Variants in PIP5K1B observed in about 807,000 individuals in gnomAD.
PIP5K1B encodes phosphatidylinositol-4-phosphate 5-kinase type 1 beta.
PIP5K1B carries 42 observed loss-of-function variants against 67.0 expected under a neutral mutation model. The observed-to-expected ratio is 0.63, with a 90% CI of 0.49 to 0.81. PIP5K1B has a LOEUF of 0.81. PIP5K1B is among the 30% of genes least tolerant of loss of function. The pLI is 0.00. For synonymous variants in PIP5K1B, 214 were observed against 231.4 expected (o/e 0.92, Z 0.68); for missense variants, 459 against 646.3 (o/e 0.71, Z 3.14).
chr9:68,756,322 A>G (rs1829922721), intron 2 of PIP5K1B, among the ~76,000 whole-genome samples: 2 of 152,236 alleles, frequency 1.3e-5, no homozygotes, highest in South Asian at 2.1e-4. Context: ...TAAATTGCTT[A>G]TATTCTTATT....
chr9:68,992,858 A>G (rs1412725068), intron 15 of PIP5K1B, among the ~76,000 whole-genome samples: 2 of 115,334 alleles, frequency 1.7e-5, no homozygotes, highest in Non-Finnish European at 4.1e-5. Flanking sequence ...AAAAAAAAAA[A>G]AAAAAAAAAA....
intron 5 of PIP5K1B, among the ~76,000 whole-genome samples, chr9:68,874,272 T>C (rs1823767568): frequency 6.6e-6 from 1 of 152,222 alleles, no homozygotes; most frequent in Non-Finnish European, 1.5e-5. Flanking sequence ...GGCCCAAAGA[T>C]AGCTAGATTT....
intron 1 of PIP5K1B, among the ~76,000 whole-genome samples, chr9:68,717,324 A>G (rs10116755): frequency 0.12 from 18,345 of 152,236 alleles, 1,215 homozygotes; most frequent in African/African-American, 0.15. Context: ...ACTGGTTAAT[A>G]TAAGTTGGCA....
chr9:68,987,023 C>T (rs964777433), intron 14 of PIP5K1B, among the ~76,000 whole-genome samples: 6 of 151,874 alleles, frequency 4.0e-5, no homozygotes, highest in Middle Eastern at 3.4e-3. Context: ...GAGGCTGAGG[C>T]GGGTGGATCA....
chr9:68,764,074 CTTTTTTTTTTTTTTT>C (rs72304177), intron 2 of PIP5K1B, among the ~76,000 whole-genome samples: 1 of 73,516 alleles, frequency 1.4e-5, no homozygotes, highest in African/African-American at 5.4e-5. Context: ...ACTATAACTT[CTTTTTTTTTTTTTTT>C]TTTTTTTTTT....
At position 68,875,690 on chromosome 9, in the gene PIP5K1B, C is replaced by T. The variant is rs560607153; in HGVS notation, c.201-987C>T. ...TCCATAAAAAGCAGACCATGATAAA[C>T]TTGCATAGGCTCTCAATGTCCCACC... On this transcript the variant is annotated intron_variant, in intron 5 of 15. Coordinates refer to ENST00000265382, the MANE Select transcript of PIP5K1B (RefSeq NM_003558.4). Among the ~76,000 whole-genome samples, 21 of 152,276 alleles carry T rather than the reference C, an allele frequency of 1.4e-4. No homozygotes were observed. In the South Asian group the frequency reaches 3.5e-3, roughly 26 times the overall value.
intron 8 of PIP5K1B, among the ~76,000 whole-genome samples, chr9:68,906,079 C>A (rs1217423966): frequency 2.6e-5 from 4 of 152,162 alleles, no homozygotes; most frequent in African/African-American, 9.7e-5. Context: ...AGCTTGGTGG[C>A]ATGCTCATGG....
intron 4 of PIP5K1B, among the ~76,000 whole-genome samples, chr9:68,848,898 T>G (rs1277942179): frequency 6.6e-6 from 1 of 152,190 alleles, no homozygotes; most frequent in Admixed American, 6.5e-5. Flanking sequence ...AGAATCTGTC[T>G]CACTAGTGAT....
At chr9:68,931,542 G>GA (rs1338202429) in intron 12 of PIP5K1B, among the ~76,000 whole-genome samples, 1 of 152,002 alleles carries the variant, frequency 6.6e-6, no homozygotes, top group Non-Finnish European at 1.5e-5. Context: ...AGAAATAAGA[G>GA]AAAAAAAGAC....
chr9:68,762,932 G>A (rs972530379), intron 2 of PIP5K1B, among the ~76,000 whole-genome samples: 2 of 152,064 alleles, frequency 1.3e-5, no homozygotes, highest in African/African-American at 2.4e-5. Context: ...CTCTGGAGTA[G>A]CGCAGTTATC....
chr9:68,863,749 T>C, intron 4 of PIP5K1B, 88 bp from the exon 5 acceptor site: 1 of 1,118,992 alleles, frequency 8.9e-7, no homozygotes, highest in South Asian at 1.8e-5. Flanking sequence ...AGAAAGAGAA[T>C]TGAACCTCAC....
intron 14 of PIP5K1B, among the ~76,000 whole-genome samples, chr9:68,961,194 G>A (rs890321901): frequency 6.9e-6 from 1 of 145,274 alleles, no homozygotes; most frequent in African/African-American, 2.6e-5. Context: ...TCCGGCCTGG[G>A]CGACAGAGCG....
At chr9:68,931,939 T>C (rs1049791191) in intron 12 of PIP5K1B, among the ~76,000 whole-genome samples, 6 of 152,244 alleles carry the variant, frequency 3.9e-5, no homozygotes, top group Admixed American at 3.9e-4. Context: ...CAAGCTCTTA[T>C]CTGCTGAGTG....
At position 68,918,705 on chromosome 9, in the gene PIP5K1B, A is replaced by G. The variant is rs188891867; in HGVS notation, c.984-774A>G. On this transcript the variant is annotated intron_variant, in intron 9 of 15. Coordinates refer to ENST00000265382, the MANE Select transcript of PIP5K1B (RefSeq NM_003558.4). ...AGTGCCTGCCTTCTAGAATTCTCCA[A>G]CGATGACTAAACCATGGGCATATTT... Among the ~76,000 whole-genome samples, 80 of 152,372 alleles carry G rather than the reference A, an allele frequency of 5.3e-4. 1 individual carries two copies. Among genetic ancestry groups the G allele is most frequent in the African/African-American group, 1.9e-3 (78 of 41,594 alleles).
intron 4 of PIP5K1B, among the ~76,000 whole-genome samples, chr9:68,834,167 G>A (rs538021957): frequency 6.6e-6 from 1 of 152,182 alleles, no homozygotes; most frequent in Non-Finnish European, 1.5e-5. Context: ...CCATAGCGTG[G>A]CATGTGAGTC....
chr9:68,765,488 C>T (rs908419827), intron 2 of PIP5K1B, among the ~76,000 whole-genome samples: 1 of 151,900 alleles, frequency 6.6e-6, no homozygotes, highest in Non-Finnish European at 1.5e-5. Context: ...TGGATTAAAG[C>T]AAAGTTCCAA....
intron 5 of PIP5K1B, among the ~76,000 whole-genome samples, chr9:68,875,137 G>A (rs1330291247): frequency 6.6e-6 from 1 of 151,698 alleles, no homozygotes; most frequent in Admixed American, 6.6e-5. Context: ...TCCTTACTAT[G>A]TGACTGCTCT....
chr9:69,003,900 G>C (rs1450704869), intron 15 of PIP5K1B, among the ~76,000 whole-genome samples: 1 of 152,098 alleles, frequency 6.6e-6, no homozygotes, highest in Non-Finnish European at 1.5e-5. Context: ...CCCCTAGAAA[G>C]GGCTTCTGGG....
intron 4 of PIP5K1B, among the ~76,000 whole-genome samples, chr9:68,826,607 G>C (rs762838582): frequency 2.6e-5 from 4 of 152,280 alleles, no homozygotes; most frequent in South Asian, 4.1e-4. Flanking sequence ...AAGAAAAAAG[G>C]AGGATGCAAA....
Sources: allele counts gnomAD v4.1 joint callset (sites outside exome capture counted in the v4.1 genomes callset), GRCh38; gene constraint gnomAD v4.1.1; transcripts MANE v1.5; gene names NCBI Gene and HGNC (gene_info 2026-07-23, HGNC 2026-07-21).